ZFPM2: variants seen among roughly 807,000 people sequenced by gnomAD.
ZFPM2 encodes the protein zinc finger protein ZFPM2.
Under a neutral mutation model 98.6 loss-of-function variants are expected in ZFPM2, and 20 were observed. The ratio of observed to expected loss-of-function variants is 0.20; its 90% CI spans 0.14 to 0.29. The LOEUF is 0.29. ZFPM2 is among the 10% of genes least tolerant of loss of function. The pLI is 1.00. For missense variants in ZFPM2, 1,310 were observed against 1,388.6 expected (o/e 0.94, Z 0.90); for synonymous variants, 518 against 502.7 (o/e 1.03, Z -0.41).
intron 5 of ZFPM2, among the ~76,000 whole-genome samples, chr8:105,770,507 C>T (rs546035957): frequency 5.5e-4 from 84 of 152,138 alleles, no homozygotes; most frequent in Admixed American, 8.5e-4. Context: ...CCAAGGATTC[C>T]GCCCCCAACC....
At chr8:105,572,389 T>C (rs952739798) in intron 4 of ZFPM2, among the ~76,000 whole-genome samples, 1 of 152,136 alleles carries the variant, frequency 6.6e-6, no homozygotes, top group Non-Finnish European at 1.5e-5. Flanking sequence ...TTACATACTT[T>C]GGAAATTTGA....
At chr8:105,416,466 A>G (rs1489833181) in intron 1 of ZFPM2, among the ~76,000 whole-genome samples, 1 of 151,700 alleles carries the variant, frequency 6.6e-6, no homozygotes, top group Non-Finnish European at 1.5e-5. Context: ...ATATGTATAC[A>G]TTCTTTTTAT....
At chr8:105,800,934 T>C (rs1813980875) in intron 7 of ZFPM2, 113 bp from the exon 8 acceptor site, 2 of 1,012,474 alleles carry the variant, frequency 2.0e-6, no homozygotes, top group East Asian at 4.8e-5. Context: ...AATGAAATTT[T>C]GAAAGATTTC....
intron 1 of ZFPM2, among the ~76,000 whole-genome samples, chr8:105,382,578 T>A (rs1220643648): frequency 6.6e-6 from 1 of 152,132 alleles, no homozygotes. Context: ...CATATATACC[T>A]ACCAGACTTC....
chr8:105,393,337 CCTTTCTTT>C (rs1196120373), intron 1 of ZFPM2, among the ~76,000 whole-genome samples: 4,625 of 114,808 alleles, frequency 0.04, 160 homozygotes, highest in Non-Finnish European at 0.059. Context: ...TCTCTCTTTG[CCTTTCTTT>C]CTTTCTTTCT....
At chr8:105,765,846 C>T (rs1335019198) in intron 5 of ZFPM2, among the ~76,000 whole-genome samples, 3 of 151,874 alleles carry the variant, frequency 2.0e-5, no homozygotes, top group African/African-American at 7.2e-5. Context: ...CAAGTGGCCT[C>T]TTGTTTCTGA....
At chr8:105,710,065 G>A (rs2130973767) in intron 5 of ZFPM2, among the ~76,000 whole-genome samples, 1 of 148,210 alleles carries the variant, frequency 6.7e-6, no homozygotes, top group South Asian at 2.1e-4. Context: ...GACTCATAAG[G>A]TTCTTTAGCC....
chr8:105,506,338 G>A (rs1316908259), intron 3 of ZFPM2, among the ~76,000 whole-genome samples: 2 of 152,108 alleles, frequency 1.3e-5, no homozygotes, highest in Admixed American at 6.5e-5. Flanking sequence ...CATGCACAGA[G>A]TTTACTATTA....
rs1191393515 is a variant in ZFPM2, at chr8:105,582,460, T to A, written c.420+20979T>A. 3.9e-5 allele frequency among the ~76,000 whole-genome samples: 6 copies of A among 152,100 alleles called. No individual in the cohort carries two copies. In the South Asian group the frequency reaches 6.2e-4, roughly 16 times the overall value. Reference sequence around the variant, plus strand: ...AGAGAGGCCAGAGTGGTTACTAAAATCCTGCAATGCACAGGATGGCTCTCT... The same window carrying A: ...AGAGAGGCCAGAGTGGTTACTAAAAACCTGCAATGCACAGGATGGCTCTCT... On this transcript the variant is annotated intron_variant, in intron 4 of 7. Coordinates refer to ENST00000407775, the MANE Select transcript of ZFPM2 (RefSeq NM_012082.4).
At chr8:105,353,727 A>G (rs1352500902) in intron 1 of ZFPM2, among the ~76,000 whole-genome samples, 1 of 152,208 alleles carries the variant, frequency 6.6e-6, no homozygotes, top group Non-Finnish European at 1.5e-5. Context: ...TTTGCTTCTT[A>G]TCCATCTTCA....
intron 5 of ZFPM2, among the ~76,000 whole-genome samples, chr8:105,764,499 A>C (rs973537744): frequency 6.6e-6 from 1 of 151,634 alleles, no homozygotes; most frequent in Non-Finnish European, 1.5e-5. Context: ...TCAATAATTC[A>C]CTGAATCAAT....
chr8:105,441,183 A>G (rs950290991), intron 2 of ZFPM2, among the ~76,000 whole-genome samples: 6 of 150,820 alleles, frequency 4.0e-5, no homozygotes, highest in African/African-American at 1.5e-4. Flanking sequence ...CAAACAAACA[A>G]AAACCAAAAA....
intron 3 of ZFPM2, among the ~76,000 whole-genome samples, chr8:105,452,904 C>T (rs556672489): frequency 2.0e-5 from 3 of 152,240 alleles, no homozygotes; most frequent in South Asian, 2.1e-4. Flanking sequence ...AATTGACTCT[C>T]GTATCTGGAA....
At chr8:105,339,078 T>C (rs149935519) in intron 1 of ZFPM2, among the ~76,000 whole-genome samples, 159 of 151,944 alleles carry the variant, frequency 1.0e-3, no homozygotes, top group Non-Finnish European at 1.6e-3. Context: ...AATATGTGGA[T>C]AAAAATCTAT....
intron 1 of ZFPM2, among the ~76,000 whole-genome samples, chr8:105,329,824 A>C (rs1812179028): frequency 6.6e-6 from 1 of 151,682 alleles, no homozygotes; most frequent in Non-Finnish European, 1.5e-5. Flanking sequence ...TTAGTGAATG[A>C]TTGTGCTGTA....
intron 4 of ZFPM2, among the ~76,000 whole-genome samples, chr8:105,567,355 A>T (rs1666281906): frequency 6.6e-6 from 1 of 152,152 alleles, no homozygotes; most frequent in African/African-American, 2.4e-5. Context: ...CTATTCCCAA[A>T]GGTTATCCTC....
At chr8:105,403,690 T>C (rs905244517) in intron 1 of ZFPM2, among the ~76,000 whole-genome samples, 1 of 151,986 alleles carries the variant, frequency 6.6e-6, no homozygotes, top group African/African-American at 2.4e-5. Flanking sequence ...AACAGAGATA[T>C]AGCCTGGCTC....
At chr8:105,418,404 C>T (rs184454090) in intron 1 of ZFPM2, among the ~76,000 whole-genome samples, 85 of 152,234 alleles carry the variant, frequency 5.6e-4, no homozygotes, top group Middle Eastern at 3.4e-3. Flanking sequence ...TGAACAACTC[C>T]AGCCCTCCCT....
intron 3 of ZFPM2, among the ~76,000 whole-genome samples, chr8:105,468,441 C>G (rs1812835387): frequency 6.6e-6 from 1 of 152,118 alleles, no homozygotes; most frequent in Non-Finnish European, 1.5e-5. Context: ...TAGACACTCC[C>G]TTCTCTATGT....
Sources: allele counts gnomAD v4.1 joint callset (sites outside exome capture counted in the v4.1 genomes callset), GRCh38; gene constraint gnomAD v4.1.1; transcripts MANE v1.5; gene names NCBI Gene and HGNC (gene_info 2026-07-23, HGNC 2026-07-21).